IPO9: variants seen among roughly 807,000 people sequenced by gnomAD.
IPO9 encodes the protein importin 9, also known as importin-9.
IPO9 carries 28 observed loss-of-function variants against 128.6 expected under a neutral mutation model. That is an observed-to-expected ratio of 0.22 (90% CI 0.16 to 0.30). The LOEUF (loss-of-function observed/expected upper bound fraction) is 0.30, where lower values mean the gene tolerates loss of function less well. IPO9 is among the 10% of genes least tolerant of loss of function. IPO9 has a pLI of 1.00. For synonymous variants in IPO9, 455 were observed against 475.8 expected (o/e 0.96, Z 0.57); for missense variants, 935 against 1,293.9 (o/e 0.72, Z 4.26).
At chr1:201,871,043 T>A in intron 18 of IPO9, 118 bp from the exon 19 acceptor site, 1 of 1,274,000 alleles carries the variant, frequency 7.8e-7, no homozygotes, top group African/African-American at 1.5e-5. Flanking sequence ...TGTTTTCTTG[T>A]CCTGTGGATA....
chr1:201,854,834 C>G lies in IPO9; in HGVS notation c.822C>G (p.Ala274=). Residue 274 remains alanine (A), a synonymous_variant, in exon 8 of 24, where the codon GCC becomes GCG. Transcript: ENST00000361565. ...FKMEVLKAVT[A]LVKNFPKHMV... is the part of the protein sequence containing the mutation. ...TCTTAACTTCTTAGGCAGTGACAGCCCTAGTGAAAAACTTCCCAAAGCACA... is the reference window on the plus strand; with the variant it reads ...TCTTAACTTCTTAGGCAGTGACAGCGCTAGTGAAAAACTTCCCAAAGCACA... 6.2e-7 allele frequency: 1 copy of G among 1,608,306 alleles called. No homozygotes were observed. Among genetic ancestry groups the G allele is most frequent in the East Asian group, 2.2e-5 (1 of 44,872 alleles).
intron 1 of IPO9, among the ~76,000 whole-genome samples, chr1:201,838,833 G>A (rs1229432771): frequency 5.9e-5 from 9 of 151,898 alleles, no homozygotes; most frequent in Non-Finnish European, 1.2e-4. Context: ...GTTAGAGGAC[G>A]TAATGGTTTT....
intron 1 of IPO9, among the ~76,000 whole-genome samples, chr1:201,845,029 G>A (rs544959332): frequency 2.0e-5 from 3 of 151,330 alleles, no homozygotes; most frequent in Admixed American, 6.6e-5. Flanking sequence ...TTTGGGAGGG[G>A]GGGGCGTACA....
At chr1:201,838,901 T>C (rs1679987003) in intron 1 of IPO9, among the ~76,000 whole-genome samples, 2 of 150,890 alleles carry the variant, frequency 1.3e-5, no homozygotes, top group Admixed American at 6.6e-5. Flanking sequence ...AGGAAATGTG[T>C]AAGAACCTAT....
At chr1:201,830,885 A>G (rs1458622427) in intron 1 of IPO9, among the ~76,000 whole-genome samples, 2 of 152,238 alleles carry the variant, frequency 1.3e-5, no homozygotes, top group Non-Finnish European at 2.9e-5. Context: ...AAACTGTCTT[A>G]CAACAACTCC....
chr1:201,839,929 T>A (rs937404286), intron 1 of IPO9, among the ~76,000 whole-genome samples: 2 of 152,156 alleles, frequency 1.3e-5, no homozygotes, highest in Non-Finnish European at 2.9e-5. Flanking sequence ...GACAAAAGGA[T>A]AATACCTTTA....
At chr1:201,875,269 A>G (rs1680739172) in intron 23 of IPO9, 41 bp downstream of exon 23, 2 of 1,548,272 alleles carry the variant, frequency 1.3e-6, no homozygotes, top group Non-Finnish European at 1.8e-6. Context: ...ACAATGTCCC[A>G]GGCCATGGAA....
chr1:201,855,751 C>T lies in IPO9; in HGVS notation c.971-32C>T, dbSNP rs201318432. On this transcript the variant is annotated intron_variant, in intron 9 of 23. Coordinates refer to ENST00000361565, the MANE Select transcript of IPO9 (RefSeq NM_018085.5). ...ATATGCTTTCCTTTTGCTTTCTTGT[C>T]ATTAATTTCTTCTCTTCTGTATTTC... The T allele has an allele frequency of 5.7e-6, 9 of 1,586,202 alleles. No individual in the cohort carries two copies. In the African/African-American group the frequency reaches 1.2e-4, roughly 22 times the overall value.
In IPO9 at chr1:201,852,165, G is replaced by T; in HGVS notation, c.576G>T (p.Glu192Asp). 6.2e-7 allele frequency: 1 copy of T among 1,612,080 alleles called. No individual in the cohort carries two copies. Among genetic ancestry groups the T allele is most frequent in the Non-Finnish European group, 8.5e-7 (1 of 1,178,302 alleles). ...TTGTTGCTCCTGTCATTCTCCCAGA[G>T]ATGTATAAGATCTTCACCATGGCTG... Reference protein sequence around the residue: ...MPLVAPVILPEMYKIFTMAEV... With the variant: ...MPLVAPVILPDMYKIFTMAEV... Residue 192 changes from glutamate to aspartate, a missense_variant, in exon 5 of 24, where the codon GAG becomes GAT. Coordinates refer to ENST00000361565, the MANE Select transcript of IPO9 (RefSeq NM_018085.5).
Position 201,870,601 on chromosome 1 carries a change from C to T in IPO9, c.2152C>T (p.Arg718Trp). The T allele has an allele frequency of 6.2e-7, 1 of 1,613,760 alleles. No homozygotes were observed. The highest frequency in any genetic ancestry group is 8.5e-7 in the Non-Finnish European group (1 of 1,179,726). ...TCCCCAGAATGGCGGAGAGTGCTTG[C>T]GGGCCTATGTGTCAGTGACCCTGGA... ...ATMQNGGECL[R>W]AYVSVTLEQV... The change falls in exon 18 of 24, where the codon CGG (arginine) becomes TGG (tryptophan). Residue 718 changes from arginine (R) to tryptophan (W), a missense_variant. By Grantham distance (101) the Arg-to-Trp change is moderately radical. Coordinates refer to ENST00000361565, the MANE Select transcript of IPO9 (RefSeq NM_018085.5). This position sits in a 1 kb window ranked among gnomAD's most constrained non-coding sequence, Gnocchi z 4.9.
chr1:201,829,472 G>A, intron 1 of IPO9, 100 bp downstream of exon 1: 2 of 1,239,584 alleles, frequency 1.6e-6, no homozygotes, highest in Non-Finnish European at 2.1e-6. Flanking sequence ...GCCAGTTGGA[G>A]ATGTGGGCGC....
rs186620883 is a variant in IPO9 at position 201,863,764 on chromosome 1, G to T, written c.1628+157G>T. 1.6e-3 allele frequency among the ~76,000 whole-genome samples: 248 copies of T among 152,346 alleles called. 1 individual carries two copies. The highest frequency in any genetic ancestry group is 0.014 in the South Asian group (66 of 4,830). On this transcript the variant is annotated intron_variant, in intron 14 of 23. Transcript: ENST00000361565. ...GGACAGGGAAAGAAACCATGCTAGAGACATGGCTTTTGTGAGTCCAGAAGA... is the reference window on the plus strand; with the variant it reads ...GGACAGGGAAAGAAACCATGCTAGATACATGGCTTTTGTGAGTCCAGAAGA...
At chr1:201,836,824 A>C (rs1281653211) in intron 1 of IPO9, among the ~76,000 whole-genome samples, 1 of 152,178 alleles carries the variant, frequency 6.6e-6, no homozygotes, top group Non-Finnish European at 1.5e-5. Context: ...ACATGTGGTC[A>C]TGTTGGACAT....
chr1:201,835,980 C>T (rs1192855537), intron 1 of IPO9, among the ~76,000 whole-genome samples: 1 of 151,830 alleles, frequency 6.6e-6, no homozygotes, highest in Non-Finnish European at 1.5e-5. Context: ...GGCGTGGTGG[C>T]GGGCGCCTGT....
At position 201,866,887 on chromosome 1, in the gene IPO9, C is replaced by T. The variant is rs764475528; in HGVS notation, c.1783C>T (p.Pro595Ser). The change falls in exon 15 of 24, where the codon CCC (proline) becomes TCC (serine). Residue 595 changes from proline (P) to serine (S), a missense_variant. Pro to Ser is a moderately conservative substitution (Grantham distance 74). Around this residue, in one of 3 missense-constraint regions of IPO9, gnomAD observed 741 missense variants for 1,019.1 expected, o/e 0.73. Coordinates refer to ENST00000361565, the MANE Select transcript of IPO9 (RefSeq NM_018085.5). ...ETLCIVCTVDPEFTASMESKI... is the reference protein window; with the variant it reads ...ETLCIVCTVDSEFTASMESKI... ...CCTGTGCATCGTTTGTACAGTAGAC[C>T]CCGAATTCACAGCAAGCATGGAAAG... The T allele has an allele frequency of 1.9e-6, 3 of 1,614,060 alleles. No homozygotes were observed. Among genetic ancestry groups the T allele is most frequent in the South Asian group, 1.1e-5 (1 of 91,084 alleles).
rs528670167 is a variant in IPO9 at position 201,880,873 on chromosome 1, A to G, written c.*4819A>G. On this transcript the variant is annotated 3_prime_UTR_variant, in exon 24 of 24. Transcript: ENST00000361565. ...TTCAATAAATTACATGAGACATTCA[A>G]CACTTTATTATAAAATAGGCTTTGT... is the stretch of plus-strand genomic sequence containing the variant. 27 of 152,362 alleles carry G rather than the reference A, an allele frequency of 1.8e-4. No homozygotes were observed. Among genetic ancestry groups the G allele is most frequent in the African/African-American group, 6.5e-4 (27 of 41,574 alleles). 9.4% of individuals were successfully genotyped at this position (152,362 alleles called of 1,614,324 possible).
At chr1:201,858,721 T>G (rs1183440997) in intron 12 of IPO9, 134 bp from the exon 13 acceptor site, 2 of 935,404 alleles carry the variant, frequency 2.1e-6, no homozygotes, top group African/African-American at 3.3e-5. Flanking sequence ...TAGGTTAGAA[T>G]GGAAGGGCTT....
chr1:201,844,510 A>G (rs1680092311), intron 1 of IPO9, among the ~76,000 whole-genome samples: 2 of 152,178 alleles, frequency 1.3e-5, no homozygotes, highest in African/African-American at 4.8e-5. Flanking sequence ...CAATAAGGAA[A>G]AAAACTGGTG....
At position 201,865,199 on chromosome 1, in the gene IPO9, CT is replaced by C. The variant is rs201084995; in HGVS notation, c.1629-1516del. Among the ~76,000 whole-genome samples, 293 of 132,838 alleles carry C rather than the reference CT, an allele frequency of 2.2e-3. 2 individuals carry two copies. The East Asian group carries it at 0.037, about 17-fold the overall frequency. 87.1% of individuals were successfully genotyped at this position (132,838 alleles called of 152,430 possible). A position where few individuals can be genotyped will look rare whatever the true frequency, so the allele number is the denominator to read the frequency against. On this transcript the variant is annotated intron_variant, in intron 14 of 23. Coordinates refer to ENST00000361565, the MANE Select transcript of IPO9 (RefSeq NM_018085.5). ...GTGTCACACTATTGGAACTATTTTT[CT>C]TTTTTTTTTTTTTTTTTCTTTTCTG...
Sources: allele counts gnomAD v4.1 joint callset (sites outside exome capture counted in the v4.1 genomes callset), GRCh38; gene constraint gnomAD v4.1.1; regional missense constraint gnomAD v4.1.1; non-coding constraint Gnocchi (gnomAD v3.1); transcripts MANE v1.5; gene names NCBI Gene and HGNC (gene_info 2026-07-23, HGNC 2026-07-21).